The following CLVS1 variants were observed in gnomAD, a reference collection of about 807,000 sequenced individuals.
CLVS1 encodes the protein clavesin-1.
In CLVS1, 10 loss-of-function variants were observed where a neutral mutation model predicts 33.1. The ratio of observed to expected loss-of-function variants is 0.30; its 90% CI spans 0.19 to 0.51. CLVS1 has a LOEUF of 0.51. Ranked by LOEUF, CLVS1 falls within the 20% of genes least tolerant of loss-of-function variation. The pLI, the probability that CLVS1 is intolerant of heterozygous loss-of-function variation, is 0.97. For missense variants in CLVS1, 343 were observed against 433.4 expected (o/e 0.79, Z 1.85); for synonymous variants, 163 against 166.1 (o/e 0.98, Z 0.14).
intron 3 of CLVS1, among the ~76,000 whole-genome samples, chr8:61,413,804 G>A (rs1197725144): frequency 1.3e-5 from 2 of 152,196 alleles, no homozygotes; most frequent in African/African-American, 4.8e-5. Flanking sequence ...ATTCAGGTGT[G>A]TCTGCCATGC....
intron 3 of CLVS1, among the ~76,000 whole-genome samples, chr8:61,389,147 C>T (rs1814201735): frequency 6.6e-6 from 1 of 152,174 alleles, no homozygotes. Context: ...ATAATTCTTG[C>T]TGATTTGGTC....
intron 2 of CLVS1, among the ~76,000 whole-genome samples, chr8:61,180,666 G>A (rs1056365025): frequency 1.3e-5 from 2 of 152,198 alleles, no homozygotes; most frequent in Admixed American, 6.5e-5. Context: ...TCATCCCTGT[G>A]ACGCAAGTCT....
chr8:61,215,879 A>G (rs943929957), intron 2 of CLVS1, among the ~76,000 whole-genome samples: 9 of 152,108 alleles, frequency 5.9e-5, no homozygotes, highest in African/African-American at 1.9e-4. Flanking sequence ...ATGGATTCCC[A>G]TCTCCTACCG....
At chr8:61,214,043 C>T (rs1288822192) in intron 2 of CLVS1, among the ~76,000 whole-genome samples, 1 of 152,136 alleles carries the variant, frequency 6.6e-6, no homozygotes, top group Non-Finnish European at 1.5e-5. Context: ...CCCCAGTCTC[C>T]CATAGCGCTC....
rs1431006360 is a variant in CLVS1 at position 61,253,311 on chromosome 8, C to T, written c.-151-46366C>T. 3.9e-5 allele frequency among the ~76,000 whole-genome samples: 6 copies of T among 152,254 alleles called. No homozygotes were observed. The East Asian group carries it at 1.2e-3, about 29-fold the overall frequency. On this transcript the variant is annotated intron_variant, in intron 2 of 2. Coordinates refer to the CLVS1 transcript ENST00000522621. ...ATCAGCTGTTAGTCTGATGGACTTC[C>T]CTTTATGGGTAACCTGACCTTTCTC...
At chr8:61,494,002 TAAG>T (rs775808202) in intron 5 of CLVS1, among the ~76,000 whole-genome samples, 35 of 152,148 alleles carry the variant, frequency 2.3e-4, no homozygotes, top group Non-Finnish European at 4.3e-4. Context: ...AGGGCATTAG[TAAG>T]AAGAAGAAAA....
intron 2 of CLVS1, among the ~76,000 whole-genome samples, chr8:61,323,038 C>T (rs1222046509): frequency 3.3e-5 from 5 of 152,084 alleles, no homozygotes; most frequent in East Asian, 1.9e-4. Context: ...CTAAGGAACA[C>T]GAACTGTCTC....
intron 2 of CLVS1, among the ~76,000 whole-genome samples, chr8:61,340,329 C>A (rs1049441667): frequency 1.3e-5 from 2 of 152,158 alleles, no homozygotes; most frequent in African/African-American, 2.4e-5. Context: ...AATTTTGTGT[C>A]CTTTGACCAA....
At chr8:61,313,329 C>T (rs1201076613) in intron 2 of CLVS1, among the ~76,000 whole-genome samples, 1 of 152,144 alleles carries the variant, frequency 6.6e-6, no homozygotes. Context: ...GGGGAAACCT[C>T]AGTTGATTCC....
At chr8:61,019,888 T>G in the CLVS1 span, among the ~76,000 whole-genome samples, 1 of 152,194 alleles carries the variant, frequency 6.6e-6, no homozygotes, top group Non-Finnish European at 1.5e-5. Flanking sequence ...TTCCAAGCCT[T>G]GCTTCTGTGA....
At chr8:61,285,506 T>C (rs1809758201), upstream of CLVS1, among the ~76,000 whole-genome samples, 1 of 152,200 alleles carries the variant, frequency 6.6e-6, no homozygotes, top group African/African-American at 2.4e-5. Flanking sequence ...GATTCCTCAA[T>C]GAACCCCTTT....
chr8:61,467,138 C>A (rs1284751301), intron 5 of CLVS1, among the ~76,000 whole-genome samples: 1 of 152,006 alleles, frequency 6.6e-6, no homozygotes, highest in African/African-American at 2.4e-5. Context: ...AAATTTTGTC[C>A]TGTGATTTTG....
At chr8:61,109,552 T>C (rs528832718) in intron 1 of CLVS1, among the ~76,000 whole-genome samples, 102 of 152,344 alleles carry the variant, frequency 6.7e-4, no homozygotes, top group African/African-American at 2.4e-3. Flanking sequence ...AAAAATTATT[T>C]GTTGGTCATC....
intron 1 of CLVS1, among the ~76,000 whole-genome samples, chr8:61,060,120 AG>A (rs1804558495): frequency 6.6e-6 from 1 of 152,120 alleles, no homozygotes; most frequent in South Asian, 2.1e-4. Flanking sequence ...CTTTTAAAAA[AG>A]TTTTGGAGTG....
chr8:61,064,996 C>T (rs1585582458), intron 1 of CLVS1, among the ~76,000 whole-genome samples: 2 of 152,342 alleles, frequency 1.3e-5, no homozygotes, highest in South Asian at 4.1e-4. Context: ...AGCCACTGCG[C>T]CCAGCCATTA....
the CLVS1 span, among the ~76,000 whole-genome samples, chr8:60,976,284 T>G: frequency 5.9e-5 from 9 of 152,124 alleles, no homozygotes; most frequent in Non-Finnish European, 1.0e-4. Context: ...AAAAAATGCT[T>G]TTTCATGTTT....
intron 3 of CLVS1, among the ~76,000 whole-genome samples, chr8:61,400,612 A>G (rs987592781): frequency 2.6e-5 from 4 of 152,092 alleles, no homozygotes; most frequent in African/African-American, 4.8e-5. Context: ...TCTTGTGCCA[A>G]CTTTCAAGGG....
At chr8:61,284,908 T>A (rs938643859), upstream of CLVS1, among the ~76,000 whole-genome samples, 4 of 152,258 alleles carry the variant, frequency 2.6e-5, no homozygotes, top group African/African-American at 9.6e-5. Context: ...CCAGAGAGAC[T>A]CACATACATT....
chr8:61,424,074 G>A (rs1214816359), intron 3 of CLVS1, among the ~76,000 whole-genome samples: 2 of 152,070 alleles, frequency 1.3e-5, no homozygotes, highest in African/African-American at 2.4e-5. Context: ...TACAGTACAG[G>A]GCCACCTGTG....
Sources: allele counts gnomAD v4.1 joint callset (sites outside exome capture counted in the v4.1 genomes callset), GRCh38; gene constraint gnomAD v4.1.1; transcripts MANE v1.5; gene names NCBI Gene and HGNC (gene_info 2026-07-23, HGNC 2026-07-21).